Variants in PTPRD observed in about 807,000 individuals in gnomAD.
PTPRD encodes the protein receptor-type tyrosine-protein phosphatase delta.
PTPRD carries 34 observed loss-of-function variants against 214.5 expected under a neutral mutation model. The ratio of observed to expected loss-of-function variants is 0.16; its 90% CI spans 0.12 to 0.21. PTPRD has a LOEUF of 0.21. Ranked by LOEUF, PTPRD falls within the 10% of genes least tolerant of loss-of-function variation. The pLI is 1.00. For synonymous variants in PTPRD, 1,128 were observed against 845.7 expected, an observed-to-expected ratio of 1.33 and a Z score of -5.79; for missense variants, 2,545 against 2,398.7, an observed-to-expected ratio of 1.06 and a Z score of -1.27.
intron 9 of PTPRD, among the ~76,000 whole-genome samples, chr9:9,223,292 A>G (rs2099957372): frequency 6.6e-6 from 1 of 151,994 alleles, no homozygotes; most frequent in South Asian, 2.1e-4. Context: ...ATCTCTCAGA[A>G]GTGTGATTAT....
At chr9:10,607,342 T>A (rs2079704271) in intron 2 of PTPRD, among the ~76,000 whole-genome samples, 2 of 151,944 alleles carry the variant, frequency 1.3e-5, no homozygotes, top group Admixed American at 6.6e-5. Context: ...TTATGTTACA[T>A]ACTAGTCTAA....
chr9:9,182,438 A>G (rs967567413), intron 10 of PTPRD, among the ~76,000 whole-genome samples: 1 of 152,048 alleles, frequency 6.6e-6, no homozygotes, highest in Non-Finnish European at 1.5e-5. Context: ...GAAAGTTTGT[A>G]TTTAGAAACA....
chr9:9,777,356 C>T (rs1159955022), intron 5 of PTPRD, among the ~76,000 whole-genome samples: 2 of 150,454 alleles, frequency 1.3e-5, no homozygotes, highest in Non-Finnish European at 3.0e-5. Context: ...CACACACACC[C>T]CTAAATGTTT....
chr9:8,822,823 C>CA (rs1378502912), intron 11 of PTPRD, among the ~76,000 whole-genome samples: 1 of 152,048 alleles, frequency 6.6e-6, no homozygotes, highest in African/African-American at 2.4e-5. Flanking sequence ...TCCCATCCCC[C>CA]AAAACCACCA....
chr9:9,208,160 A>G (rs947059077), intron 9 of PTPRD, among the ~76,000 whole-genome samples: 5 of 150,504 alleles, frequency 3.3e-5, no homozygotes, highest in African/African-American at 4.9e-5. Context: ...GACTACGGGC[A>G]CCCGCCACCA....
chr9:8,521,715 G>T (rs1489917088), intron 19 of PTPRD, among the ~76,000 whole-genome samples, 169 bp from the exon 20 acceptor site: 1 of 152,106 alleles, frequency 6.6e-6, no homozygotes, highest in Admixed American at 6.5e-5. Flanking sequence ...TACAAGTATG[G>T]TGTGTGTATA....
intron 4 of PTPRD, among the ~76,000 whole-genome samples, chr9:9,955,759 G>C (rs966818659): frequency 2.4e-4 from 37 of 152,030 alleles, no homozygotes; most frequent in African/African-American, 8.5e-4. Context: ...TCCTGACCTC[G>C]TGATAGCCCG....
intron 2 of PTPRD, among the ~76,000 whole-genome samples, chr9:10,475,333 T>G (rs1306271971): frequency 6.6e-6 from 1 of 151,948 alleles, no homozygotes; most frequent in Non-Finnish European, 1.5e-5. Flanking sequence ...AAATAGAAAC[T>G]ACCAACAGAG....
At chr9:9,348,102 C>T (rs1332802) in intron 9 of PTPRD, among the ~76,000 whole-genome samples, 96,967 of 151,976 alleles carry the variant, frequency 0.64, 31,050 homozygotes, top group Middle Eastern at 0.71. Flanking sequence ...GAATAGGTTG[C>T]TAATGCATTC....
At chr9:10,297,103 T>A (rs776020823) in intron 3 of PTPRD, among the ~76,000 whole-genome samples, 3 of 145,028 alleles carry the variant, frequency 2.1e-5, no homozygotes, top group South Asian at 2.1e-4. Context: ...ATCAGAAATT[T>A]TATATATATA....
intron 2 of PTPRD, among the ~76,000 whole-genome samples, chr9:10,546,522 C>T (rs1354136288): frequency 6.6e-6 from 1 of 151,444 alleles, no homozygotes; most frequent in Non-Finnish European, 1.5e-5. Flanking sequence ...CATATTTTCA[C>T]CTAGGAAAAT....
intron 9 of PTPRD, among the ~76,000 whole-genome samples, chr9:9,244,368 A>C (rs972938316): frequency 2.0e-5 from 3 of 152,052 alleles, no homozygotes; most frequent in Non-Finnish European, 4.4e-5. Flanking sequence ...GAGGCATCAC[A>C]CTACCTGACT....
At chr9:9,668,425 T>C (rs190225200) in intron 7 of PTPRD, among the ~76,000 whole-genome samples, 66 of 152,330 alleles carry the variant, frequency 4.3e-4, no homozygotes, top group African/African-American at 1.5e-3. Context: ...CCCTGAGACA[T>C]ACAACATTAG....
chr9:8,796,063 C>T (rs936673398), intron 11 of PTPRD, among the ~76,000 whole-genome samples: 13 of 152,138 alleles, frequency 8.5e-5, no homozygotes, highest in African/African-American at 3.1e-4. Flanking sequence ...CTAACAAAAA[C>T]GTATGAAGTT....
chr9:10,156,779 A>C (rs1027075013), intron 3 of PTPRD, among the ~76,000 whole-genome samples: 4 of 152,092 alleles, frequency 2.6e-5, no homozygotes, highest in African/African-American at 9.7e-5. Flanking sequence ...AGTCTCTTGG[A>C]AAGTTTTTAA....
At chr9:9,900,230 C>G (rs1336306707) in intron 5 of PTPRD, among the ~76,000 whole-genome samples, 1 of 152,190 alleles carries the variant, frequency 6.6e-6, no homozygotes, top group Non-Finnish European at 1.5e-5. Flanking sequence ...AAAGTTCCAA[C>G]TTTAAATCAT....
At chr9:9,283,946 G>T (rs991216021) in intron 9 of PTPRD, among the ~76,000 whole-genome samples, 1 of 151,528 alleles carries the variant, frequency 6.6e-6, no homozygotes, top group East Asian at 2.0e-4. Context: ...CTTAGGTTTT[G>T]TGACTTTTCA....
At chr9:10,001,051 C>G (rs1198944332) in intron 4 of PTPRD, among the ~76,000 whole-genome samples, 1 of 152,158 alleles carries the variant, frequency 6.6e-6, no homozygotes, top group Non-Finnish European at 1.5e-5. Context: ...AACCCCGCTC[C>G]CTCTATCTCT....
chr9:8,423,211 G>A (rs1171129172), intron 35 of PTPRD, among the ~76,000 whole-genome samples: 1 of 152,160 alleles, frequency 6.6e-6, no homozygotes, highest in Non-Finnish European at 1.5e-5. Flanking sequence ...AATTATGTTT[G>A]AGCTTCTGCC....
Sources: gnomAD v4.1 joint callset for allele counts (sites outside exome capture counted in the v4.1 genomes callset) on GRCh38, gnomAD v4.1.1 for gene constraint, MANE v1.5 for transcripts, NCBI Gene and HGNC (gene_info 2026-07-23, HGNC 2026-07-21) for gene names.